The following IVD variants were observed in gnomAD, a reference collection of about 807,000 sequenced individuals.
IVD encodes isovaleryl-CoA dehydrogenase, mitochondrial.
In IVD, 31 loss-of-function variants were observed where a neutral mutation model predicts 51.3. The ratio of observed to expected loss-of-function variants is 0.60; its 90% CI spans 0.45 to 0.81. IVD has a LOEUF of 0.81. Among genes scored for constraint, IVD ranks in the 40% least tolerant of loss-of-function variants. The pLI, the probability that IVD is intolerant of heterozygous loss-of-function variation, is 0.00. For missense variants in IVD, 475 were observed against 552.0 expected, an observed-to-expected ratio of 0.86 and a Z score of 1.40; for synonymous variants, 205 against 219.4, an observed-to-expected ratio of 0.93 and a Z score of 0.58.
At chr15:40,422,525 T>C (rs1416332487), downstream of IVD, among the ~76,000 whole-genome samples, 1 of 142,212 alleles carries the variant, frequency 7.0e-6, no homozygotes, top group Admixed American at 7.2e-5. Context: ...CCTCATGATC[T>C]ACCCACCTCG....
chr15:40,410,471 G>A (rs934576933), intron 3 of IVD, among the ~76,000 whole-genome samples, 157 bp from the exon 4 acceptor site: 4 of 152,248 alleles, frequency 2.6e-5, no homozygotes, highest in Middle Eastern at 6.3e-3. Flanking sequence ...GAGCTTGTAA[G>A]CAGGTCTGTG....
chr15:40,423,742 G>A (rs902815990), downstream of IVD, among the ~76,000 whole-genome samples: 3 of 152,066 alleles, frequency 2.0e-5, no homozygotes, highest in Non-Finnish European at 2.9e-5. Flanking sequence ...TTCCAGGCAT[G>A]AGCCACCATG....
At chr15:40,435,550 G>A in exon 9 of IVD, 1 of 1,183,872 alleles carries the variant, frequency 8.4e-7, no homozygotes, top group Non-Finnish European at 1.1e-6. Flanking sequence ...CCCGCGTGCT[G>A]CTCCCCCAAC....
chr15:40,406,352 T>C, intron 1 of IVD: 1 of 1,327,346 alleles, frequency 7.5e-7, no homozygotes, highest in East Asian at 4.8e-5. Context: ...CAGGCTGAGG[T>C]ATGCTTCTCA....
Position 40,416,058 on chromosome 15 carries a change from T to G in IVD, c.961-20T>G, listed in dbSNP as rs780059593. On this transcript the variant is annotated intron_variant, in intron 9 of 11. Coordinates refer to ENST00000487418, the MANE Select transcript of IVD (RefSeq NM_002225.5). ...GAGAGTGTTCCAGCATGTTGACCTG[T>G]GACATCCCTTTGTGCCCAGTTGATG... is the stretch of plus-strand genomic sequence containing the variant. 20 of 1,611,896 alleles carry G rather than the reference T, an allele frequency of 1.2e-5. No individual in the cohort carries two copies. The highest frequency in any genetic ancestry group is 1.7e-5 in the Non-Finnish European group (20 of 1,177,962).
Position 40,407,907 on chromosome 15 carries a change from A to G in IVD, c.235-32A>G, listed in dbSNP as rs771555583. On this transcript the variant is annotated intron_variant, in intron 2 of 11. Coordinates refer to ENST00000487418, the MANE Select transcript of IVD (RefSeq NM_002225.5). ...TGTGACTGGCTGCCTTCCCCTCAAC[A>G]CTTATTCCACTCTGCTCCATTCTGT... is the stretch of plus-strand genomic sequence containing the variant. 1.9e-6 allele frequency: 3 copies of G among 1,612,970 alleles called. No homozygotes were observed. The Admixed American group carries it at 5.0e-5, about 27-fold the overall frequency.
intron 3 of IVD, 106 bp from the exon 4 acceptor site, chr15:40,410,522 G>A: frequency 7.9e-7 from 1 of 1,264,564 alleles, no homozygotes. Context: ...TTTGGAGTAG[G>A]TGCTACAAGG....
chr15:40,433,029 A>G (rs1893067881), intron 7 of IVD, among the ~76,000 whole-genome samples: 1 of 152,254 alleles, frequency 6.6e-6, no homozygotes, highest in Non-Finnish European at 1.5e-5. Flanking sequence ...TGGCTACATC[A>G]GGTACTATTC....
chr15:40,420,272 G>A lies in IVD; in HGVS notation c.*2009G>A. ...GGGCACCATCCAGTCCTGGCCGTGT[G>A]ACCACCCACAGCTGACTGGGCAGCA... On this transcript the variant is annotated 3_prime_UTR_variant, in exon 12 of 12. Transcript: ENST00000487418. 1.0e-6 allele frequency: 1 copy of A among 987,656 alleles called. No homozygotes were observed. Among genetic ancestry groups the A allele is most frequent in the Non-Finnish European group, 1.2e-6 (1 of 830,180 alleles). 61.2% of individuals were successfully genotyped at this position (987,656 alleles called of 1,614,324 possible). A position where few individuals can be genotyped will look rare whatever the true frequency, so the allele number is the denominator to read the frequency against.
rs895956080 is a variant in IVD, at chr15:40,420,191, G to A, written c.*1928G>A. ...GGACAGCGTGCTTTTGTGTACTGTTGGAAGACTGGCTCCTCCTGTACAGCA... is the reference window on the plus strand; with the variant it reads ...GGACAGCGTGCTTTTGTGTACTGTTAGAAGACTGGCTCCTCCTGTACAGCA... On this transcript the variant is annotated 3_prime_UTR_variant, in exon 12 of 12. Coordinates refer to ENST00000487418, the MANE Select transcript of IVD (RefSeq NM_002225.5). 8.1e-6 allele frequency: 8 copies of A among 985,860 alleles called. No individual in the cohort carries two copies. The highest frequency in any genetic ancestry group is 8.4e-6 in the Non-Finnish European group (7 of 830,150). 61.1% of individuals were successfully genotyped at this position (985,860 alleles called of 1,614,324 possible).
chr15:40,418,860 T>C lies in IVD; in HGVS notation c.*597T>C, dbSNP rs1892000277. 1.3e-6 allele frequency: 1 copy of C among 772,302 alleles called. No individual in the cohort carries two copies. The highest frequency in any genetic ancestry group is 1.8e-5 in the African/African-American group (1 of 54,470). The allele number at this position is 772,302 out of a possible 1,614,324, so 47.8% of individuals were successfully genotyped here. On this transcript the variant is annotated 3_prime_UTR_variant, in exon 12 of 12. Coordinates refer to ENST00000487418, the MANE Select transcript of IVD (RefSeq NM_002225.5). Reference sequence around the variant, plus strand: ...ATAATAAACCTAGCCTAGCCAGGCGTGGTGGCTCATGCTTGTAATCCCAGC... The same window carrying C: ...ATAATAAACCTAGCCTAGCCAGGCGCGGTGGCTCATGCTTGTAATCCCAGC...
At chr15:40,407,554 T>TA in intron 1 of IVD, 82 bp from the exon 2 acceptor site, 2 of 1,003,190 alleles carry the variant, frequency 2.0e-6, no homozygotes, top group Non-Finnish European at 3.2e-6. Context: ...TTGGGGAAGT[T>TA]ACTTGTGGCC....
rs377129112 is a variant in IVD at position 40,410,638 on chromosome 15, C to T, written c.297C>T (p.Gly99=). ...CCACACCACTCACAGTTCAGTATGG[C>T]GGCTCCGGCCTGGGCTACCTGGAGC... The part of the protein sequence containing the change: ...VLGITAPVQY[G]GSGLGYLEHV... Residue 99 remains glycine, a synonymous_variant, in exon 4 of 12, where the codon GGC becomes GGT. Coordinates refer to ENST00000487418, the MANE Select transcript of IVD (RefSeq NM_002225.5). 1.2e-5 allele frequency: 20 copies of T among 1,614,076 alleles called. No homozygotes were observed. The highest frequency in any genetic ancestry group is 3.3e-5 in the Admixed American group (2 of 60,008).
At chr15:40,411,952 G>A (rs543097577) in intron 6 of IVD, among the ~76,000 whole-genome samples, 1 of 152,306 alleles carries the variant, frequency 6.6e-6, no homozygotes, top group African/African-American at 2.4e-5. Flanking sequence ...AGGACTAAAA[G>A]GAGGTCAGGA....
Position 40,407,650 on chromosome 15 carries a change from GGCT to G in IVD, c.160_162del (p.Ala54del). 1 of 1,614,142 alleles carries G rather than the reference GGCT, an allele frequency of 6.2e-7. No individual in the cohort carries two copies. Among genetic ancestry groups the G allele is most frequent in the Non-Finnish European group, 8.5e-7 (1 of 1,179,964 alleles). ...TCTCCTATTAGCTTCGTCAGACCAT[GGCT>G]AAGTTCCTTCAGGAGCACCTGGCCC... On this transcript the variant is annotated inframe_deletion, in exon 2 of 12. Transcript: ENST00000487418.
chr15:40,428,033 T>A (rs559911297), downstream of IVD, among the ~76,000 whole-genome samples: 63 of 152,108 alleles, frequency 4.1e-4, no homozygotes, highest in African/African-American at 1.4e-3. Flanking sequence ...AATAAAAAAA[T>A]TGGCTGGGTG....
intron 3 of IVD, among the ~76,000 whole-genome samples, chr15:40,409,879 C>G (rs1205665623): frequency 6.7e-6 from 1 of 150,132 alleles, no homozygotes; most frequent in African/African-American, 2.5e-5. Flanking sequence ...CTCTGTCGCC[C>G]AGGCTGGAGT....
At chr15:40,422,252 G>A (rs1371882621), downstream of IVD, among the ~76,000 whole-genome samples, 2 of 152,212 alleles carry the variant, frequency 1.3e-5, no homozygotes, top group Non-Finnish European at 2.9e-5. Context: ...GAGGGGTTGG[G>A]GGAAGCCTAT....
chr15:40,429,308 C>T (rs1941281913), downstream of IVD, among the ~76,000 whole-genome samples: 1 of 152,222 alleles, frequency 6.6e-6, no homozygotes, highest in Non-Finnish European at 1.5e-5. Flanking sequence ...CAATCCCCTG[C>T]TCAGTTAAGA....
Sources: allele counts gnomAD v4.1 joint callset (sites outside exome capture counted in the v4.1 genomes callset), GRCh38; gene constraint gnomAD v4.1.1; transcripts MANE v1.5; gene names NCBI Gene and HGNC (gene_info 2026-07-23, HGNC 2026-07-21).